PRSS3: variants seen among roughly 807,000 people sequenced by gnomAD.
PRSS3 encodes serine protease 3.
A neutral mutation model predicts 20.8 loss-of-function variants in PRSS3; 14 were observed. The ratio of observed to expected loss-of-function variants is 0.67; its 90% confidence interval spans 0.44 to 1.05. The LOEUF (loss-of-function observed/expected upper bound fraction) is 1.05, where lower values mean the gene tolerates loss of function less well. PRSS3 is among the 50% of genes least tolerant of loss of function. The pLI is 0.00. For missense variants in PRSS3, 237 were observed against 306.4 expected (o/e 0.77, Z 1.69); for synonymous variants, 91 against 117.6 (o/e 0.77, Z 1.46).
intron 1 of PRSS3, among the ~76,000 whole-genome samples, chr9:33,768,780 C>CG (rs915985105): frequency 2.6e-5 from 4 of 151,308 alleles, no homozygotes; most frequent in Non-Finnish European, 4.4e-5. Context: ...TGCTTGAGCC[C>CG]GGGGGGCAGA....
intron 1 of PRSS3, among the ~76,000 whole-genome samples, chr9:33,774,921 G>GGTTGCAGTGAGCCAAGATTGCACC (rs1823857596): frequency 6.6e-6 from 1 of 152,098 alleles, no homozygotes; most frequent in African/African-American, 2.4e-5. Context: ...GGGAGGCAGA[G>GGTTGCAGTGAGCCAAGATTGCACC]GTTGCAGTGA....
intron 1 of PRSS3, among the ~76,000 whole-genome samples, chr9:33,769,535 T>C (rs1823590851): frequency 6.6e-6 from 1 of 152,120 alleles, no homozygotes; most frequent in Non-Finnish European, 1.5e-5. Context: ...TAGGAAGAAA[T>C]GAAGGAAGAT....
chr9:33,750,813 G>A lies in PRSS3; in HGVS notation c.-53+86G>A. ...CCCCGCCAAGGAGCGGGGCTGTGAT[G>A]GAGAGGGGGTTCCGACTCGCATGGG... On this transcript the variant is annotated intron_variant, in intron 1 of 5. Transcript: ENST00000342836. The surrounding 1 kb of genome is among the most constrained non-coding windows in gnomAD (Gnocchi z 4.8). 2 of 1,402,734 alleles carry A rather than the reference G, an allele frequency of 1.4e-6. No individual in the cohort carries two copies. Among genetic ancestry groups the A allele is most frequent in the Non-Finnish European group, 1.8e-6 (2 of 1,084,764 alleles). The allele number at this position is 1,402,734 out of a possible 1,614,324, so 86.9% of individuals were successfully genotyped here.
intron 1 of PRSS3, chr9:33,786,889 C>T: frequency 1.6e-6 from 1 of 626,338 alleles, no homozygotes; most frequent in East Asian, 2.7e-5. Context: ...CTACCCAGCT[C>T]CCCTCACATG....
At chr9:33,792,225 C>G (rs188606729), upstream of PRSS3, among the ~76,000 whole-genome samples, 1 of 152,080 alleles carries the variant, frequency 6.6e-6, no homozygotes, top group East Asian at 1.9e-4. Flanking sequence ...GGCGGGAAGA[C>G]AGCCTAAAAT....
At chr9:33,780,140 G>GA (rs970769802) in intron 1 of PRSS3, among the ~76,000 whole-genome samples, 2 of 150,814 alleles carry the variant, frequency 1.3e-5, no homozygotes, top group African/African-American at 2.4e-5. Context: ...CAAGGTAAAA[G>GA]AAAAAAAAAT....
chr9:33,754,417 C>T (rs1293510123), intron 1 of PRSS3, among the ~76,000 whole-genome samples: 1 of 151,994 alleles, frequency 6.6e-6, no homozygotes, highest in Admixed American at 6.6e-5. Context: ...TTCTGGTAGC[C>T]CACCCCAAAA....
At chr9:33,764,405 T>C (rs980675836) in intron 1 of PRSS3, among the ~76,000 whole-genome samples, 2 of 152,086 alleles carry the variant, frequency 1.3e-5, no homozygotes, top group African/African-American at 4.8e-5. Context: ...TGGTGGCACA[T>C]TCCTGTAATC....
At chr9:33,756,351 A>C (rs1333985004) in intron 1 of PRSS3, among the ~76,000 whole-genome samples, 1 of 151,988 alleles carries the variant, frequency 6.6e-6, no homozygotes, top group East Asian at 1.9e-4. Flanking sequence ...CTGATATTTC[A>C]TGATGCTGTT....
At chr9:33,754,357 G>A (rs779844527) in intron 1 of PRSS3, among the ~76,000 whole-genome samples, 12 of 151,782 alleles carry the variant, frequency 7.9e-5, no homozygotes, top group Non-Finnish European at 1.5e-4. Flanking sequence ...GATGTGAGCC[G>A]CCGCGCCTGG....
At chr9:33,792,551 C>T (rs954863331), upstream of PRSS3, among the ~76,000 whole-genome samples, 1 of 152,192 alleles carries the variant, frequency 6.6e-6, no homozygotes, top group Non-Finnish European at 1.5e-5. Flanking sequence ...TGAGGGTGCA[C>T]CAAGGATCAG....
chr9:33,754,443 A>T (rs1822848926), intron 1 of PRSS3, among the ~76,000 whole-genome samples: 1 of 152,168 alleles, frequency 6.6e-6, no homozygotes, highest in South Asian at 2.1e-4. Context: ...CTTACATGTC[A>T]TTGGCCAGAA....
chr9:33,790,669 A>T (rs1445676115), upstream of PRSS3, among the ~76,000 whole-genome samples: 1 of 152,218 alleles, frequency 6.6e-6, no homozygotes, highest in Non-Finnish European at 1.5e-5. Context: ...ACTGAAAGCG[A>T]TGTATGTGCA....
chr9:33,782,570 T>C (rs1824230964), intron 1 of PRSS3, among the ~76,000 whole-genome samples: 1 of 152,220 alleles, frequency 6.6e-6, no homozygotes, highest in African/African-American at 2.4e-5. Flanking sequence ...ACTTTCACTA[T>C]CTGACTTCAA....
chr9:33,759,604 GA>G (rs966160520), intron 1 of PRSS3, among the ~76,000 whole-genome samples: 3 of 152,090 alleles, frequency 2.0e-5, no homozygotes, highest in African/African-American at 7.2e-5. Context: ...ATTTGGTGGG[GA>G]AAAAAGATGG....
chr9:33,758,008 C>G (rs1184899982), intron 1 of PRSS3, among the ~76,000 whole-genome samples: 1 of 152,162 alleles, frequency 6.6e-6, no homozygotes, highest in Non-Finnish European at 1.5e-5. Context: ...AGGTTATCAC[C>G]AACCACCCTG....
intron 1 of PRSS3, among the ~76,000 whole-genome samples, chr9:33,784,338 T>A (rs1376873455): frequency 6.6e-6 from 1 of 152,188 alleles, no homozygotes; most frequent in Non-Finnish European, 1.5e-5. Flanking sequence ...GGCAGGGAGT[T>A]TGATACATTT....
intron 1 of PRSS3, among the ~76,000 whole-genome samples, chr9:33,779,984 C>T (rs1242663636): frequency 6.9e-6 from 1 of 144,052 alleles, no homozygotes; most frequent in Non-Finnish European, 1.5e-5. Flanking sequence ...TAAGCAATTT[C>T]AAAAATGTAT....
Position 33,778,277 on chromosome 9 carries a change from T to C in PRSS3, c.-52-16469T>C, listed in dbSNP as rs529287145. Among the ~76,000 whole-genome samples the C allele has an allele frequency of 4.6e-4, 70 of 152,296 alleles. 2 individuals carry two copies. The Middle Eastern group carries it at 0.01, about 22-fold the overall frequency. On this transcript the variant is annotated intron_variant, in intron 1 of 5. Transcript: ENST00000342836. The stretch of plus-strand genomic sequence containing the variant: ...AATATTAAACGTCTTCCCATTTTTA[T>C]TTCTTAAATACTAAACATGTTCAAG...
Sources: gnomAD v4.1 joint callset for allele counts (sites outside exome capture counted in the v4.1 genomes callset) on GRCh38, gnomAD v4.1.1 for gene constraint, Gnocchi (gnomAD v3.1) non-coding constraint, MANE v1.5 for transcripts, NCBI Gene and HGNC (gene_info 2026-07-23, HGNC 2026-07-21) for gene names.